Variants in ALDH1A2 observed in about 807,000 individuals in gnomAD.
The protein encoded by ALDH1A2 is retinal dehydrogenase 2.
Under a neutral mutation model 60.3 loss-of-function variants are expected in ALDH1A2, and 27 were observed. The ratio of observed to expected loss-of-function variants is 0.45; its 90% CI spans 0.33 to 0.62. The LOEUF is 0.62. ALDH1A2 is among the 20% of genes least tolerant of loss of function. The probability of loss-of-function intolerance (pLI) is 0.02; values close to 1 mark genes in which losing one functional copy is unlikely to be tolerated. For synonymous variants in ALDH1A2, 289 were observed against 232.4 expected (o/e 1.24, Z -2.21); for missense variants, 581 against 643.8 (o/e 0.90, Z 1.06).
At chr15:57,993,739 C>T (rs1894967472) in intron 5 of ALDH1A2, among the ~76,000 whole-genome samples, 1 of 152,188 alleles carries the variant, frequency 6.6e-6, no homozygotes, top group South Asian at 2.1e-4. Context: ...AGATATTAAG[C>T]TTGTATTGTC....
At chr15:58,018,448 C>T in intron 1 of ALDH1A2, among the ~76,000 whole-genome samples, 1 of 151,784 alleles carries the variant, frequency 6.6e-6, no homozygotes, top group East Asian at 1.9e-4. Flanking sequence ...TTGTAAAATA[C>T]CATAGTAATA....
chr15:58,003,914 T>C (rs1003084087), intron 4 of ALDH1A2, among the ~76,000 whole-genome samples: 74 of 151,900 alleles, frequency 4.9e-4, no homozygotes, highest in Non-Finnish European at 3.4e-4. Context: ...TCAGAGACAA[T>C]GGCTCCATTG....
chr15:58,019,740 G>C (rs915804820), intron 1 of ALDH1A2, among the ~76,000 whole-genome samples: 1 of 152,158 alleles, frequency 6.6e-6, no homozygotes, highest in African/African-American at 2.4e-5. Flanking sequence ...TAAAAAGACA[G>C]AATGATAGGC....
intron 7 of ALDH1A2, among the ~76,000 whole-genome samples, chr15:57,984,089 G>A (rs1595638485): frequency 6.6e-6 from 1 of 152,188 alleles, no homozygotes; most frequent in East Asian, 1.9e-4. Flanking sequence ...CTATGGGAGG[G>A]TGTATAGTCC....
chr15:57,991,576 C>T (rs983379161), intron 7 of ALDH1A2: 3 of 152,242 alleles, frequency 2.0e-5, no homozygotes, highest in East Asian at 3.9e-4. Flanking sequence ...TGAAATGTGG[C>T]TAGTCTGAAG....
chr15:58,047,819 C>T (rs1279055246), intron 1 of ALDH1A2, among the ~76,000 whole-genome samples: 1 of 151,706 alleles, frequency 6.6e-6, no homozygotes, highest in African/African-American at 2.4e-5. Context: ...AAACATCTGG[C>T]TAAAAAGTGA....
rs74506888 is a variant in ALDH1A2 at position 57,970,932 on chromosome 15, G to C, written c.799-5105C>G. 4.4e-4 allele frequency among the ~76,000 whole-genome samples: 67 copies of C among 152,252 alleles called. 1 individual carries two copies. The East Asian group carries it at 9.4e-3, about 21-fold the overall frequency. The stretch of plus-strand genomic sequence containing the variant: ...CCAAAAATATGGGGATTGGGTGTTT[G>C]TCTTTCTGAAGTACCCAGAAATAAC... On this transcript the variant is annotated intron_variant, in intron 7 of 12. Coordinates refer to ENST00000249750, the MANE Select transcript of ALDH1A2 (RefSeq NM_003888.4).
intron 1 of ALDH1A2, among the ~76,000 whole-genome samples, chr15:58,036,084 A>G (rs1896370582): frequency 6.6e-6 from 1 of 151,724 alleles, no homozygotes; most frequent in African/African-American, 2.4e-5. Flanking sequence ...ATTTGCTATT[A>G]TAATATGAAA....
At chr15:57,992,457 A>C (rs1162515738) in intron 7 of ALDH1A2, among the ~76,000 whole-genome samples, 1 of 152,118 alleles carries the variant, frequency 6.6e-6, no homozygotes, top group Non-Finnish European at 1.5e-5. Context: ...CTAGAACCCC[A>C]CCTTCTGGGA....
intron 3 of ALDH1A2, 51 bp from the exon 4 acceptor site, chr15:58,010,829 T>C (rs1049126896): frequency 6.2e-7 from 1 of 1,605,970 alleles, no homozygotes; most frequent in East Asian, 2.2e-5. Context: ...TTTCCAGCGA[T>C]ACACTAATTT....
chr15:58,058,010 A>G, intron 1 of ALDH1A2: 1 of 1,471,394 alleles, frequency 6.8e-7, no homozygotes, highest in Non-Finnish European at 9.1e-7. Context: ...GGCAGAATTC[A>G]CCAGTTTCAG....
intron 12 of ALDH1A2, among the ~76,000 whole-genome samples, chr15:57,959,194 A>G (rs1008367134): frequency 6.6e-6 from 1 of 152,224 alleles, no homozygotes; most frequent in African/African-American, 2.4e-5. Context: ...GATCTGTAAC[A>G]AAACAATCAA....
At chr15:58,059,093 C>A (rs540418229) in intron 1 of ALDH1A2, among the ~76,000 whole-genome samples, 33 of 152,280 alleles carry the variant, frequency 2.2e-4, no homozygotes, top group Middle Eastern at 3.4e-3. Flanking sequence ...TTAAACATAA[C>A]TCAATCTTAA....
At chr15:58,064,082 G>C (rs1897110043) in intron 1 of ALDH1A2, among the ~76,000 whole-genome samples, 1 of 152,088 alleles carries the variant, frequency 6.6e-6, no homozygotes, top group Non-Finnish European at 1.5e-5. Flanking sequence ...CCAAATCTGA[G>C]GGTTAGGTCT....
At chr15:58,031,764 C>G (rs1461990811) in intron 1 of ALDH1A2, among the ~76,000 whole-genome samples, 1 of 152,130 alleles carries the variant, frequency 6.6e-6, no homozygotes, top group Non-Finnish European at 1.5e-5. Flanking sequence ...ATGCTCATCA[C>G]CACCGGTCAT....
intron 7 of ALDH1A2, among the ~76,000 whole-genome samples, chr15:57,974,511 C>A (rs1361621373): frequency 2.7e-5 from 4 of 148,286 alleles, no homozygotes; most frequent in Admixed American, 1.3e-4. Flanking sequence ...GCAAGCATCA[C>A]AAAGGCAATT....
At chr15:57,985,504 T>G (rs1177454460) in intron 7 of ALDH1A2, among the ~76,000 whole-genome samples, 2 of 152,218 alleles carry the variant, frequency 1.3e-5, no homozygotes, top group Admixed American at 6.5e-5. Flanking sequence ...AAACCAATTT[T>G]GTACAAAACC....
intron 9 of ALDH1A2, among the ~76,000 whole-genome samples, chr15:57,963,497 G>A (rs545450952): frequency 2.6e-3 from 401 of 151,804 alleles, no homozygotes; most frequent in Non-Finnish European, 2.5e-3. Flanking sequence ...CCGCCACCTC[G>A]CCCGGCTAAT....
intron 1 of ALDH1A2, among the ~76,000 whole-genome samples, chr15:58,041,070 G>C (rs1297385588): frequency 6.6e-6 from 1 of 151,838 alleles, no homozygotes; most frequent in Non-Finnish European, 1.5e-5. Context: ...CCTTCAAGTG[G>C]CCATCTGTAC....
Sources: allele counts gnomAD v4.1 joint callset (sites outside exome capture counted in the v4.1 genomes callset), GRCh38; gene constraint gnomAD v4.1.1; transcripts MANE v1.5; gene names NCBI Gene and HGNC (gene_info 2026-07-23, HGNC 2026-07-21).